Variants in INPP4B observed in about 807,000 individuals in gnomAD.
INPP4B encodes the protein inositol polyphosphate 4-phosphatase type II.
Under a neutral mutation model 122.5 loss-of-function variants are expected in INPP4B, and 55 were observed. The observed-to-expected ratio is 0.45, with a 90% CI of 0.36 to 0.56. INPP4B has a LOEUF of 0.56. Among genes scored for constraint, INPP4B ranks in the 20% least tolerant of loss-of-function variants. The probability of loss-of-function intolerance (pLI) is 0.00; values close to 1 mark genes in which losing one functional copy is unlikely to be tolerated. For missense variants in INPP4B, 1,000 were observed against 1,097.7 expected (o/e 0.91, Z 1.26); for synonymous variants, 403 against 388.7 (o/e 1.04, Z -0.43).
At chr4:142,445,459 G>GTT (rs1812706410) in intron 3 of INPP4B, among the ~76,000 whole-genome samples, 1 of 152,098 alleles carries the variant, frequency 6.6e-6, no homozygotes, top group East Asian at 1.9e-4. Flanking sequence ...TCACATTAAG[G>GTT]AATACTAACA....
At chr4:142,323,666 C>T (rs1020839865) in intron 7 of INPP4B, among the ~76,000 whole-genome samples, 2 of 151,720 alleles carry the variant, frequency 1.3e-5, no homozygotes, top group African/African-American at 2.4e-5. Flanking sequence ...AGGATGGTCT[C>T]AATCTCCTGA....
At chr4:142,179,715 CT>C (rs1829986290) in intron 15 of INPP4B, among the ~76,000 whole-genome samples, 1 of 152,020 alleles carries the variant, frequency 6.6e-6, no homozygotes, top group African/African-American at 2.4e-5. Context: ...TATGTACATC[CT>C]TTATTTAGTC....
At chr4:142,160,674 A>C (rs1438610214) in intron 16 of INPP4B, 113 bp from the exon 17 acceptor site, 2 of 658,452 alleles carry the variant, frequency 3.0e-6, no homozygotes, top group South Asian at 5.5e-5. Context: ...TGGTGGAAAA[A>C]GTACAGACGC....
At chr4:142,215,944 GAC>G (rs1847053239) in intron 12 of INPP4B, among the ~76,000 whole-genome samples, 1 of 119,794 alleles carries the variant, frequency 8.3e-6, no homozygotes, top group South Asian at 2.9e-4. Context: ...GAAGGAATCT[GAC>G]ACTAATGTTG....
intron 7 of INPP4B, among the ~76,000 whole-genome samples, chr4:142,401,093 G>A (rs557911622): frequency 1.3e-5 from 2 of 152,030 alleles, no homozygotes; most frequent in African/African-American, 4.8e-5. Context: ...TTTGCAGAAC[G>A]TAAAATCCTA....
At chr4:142,582,049 T>C (rs1389084620) in intron 2 of INPP4B, among the ~76,000 whole-genome samples, 5 of 152,140 alleles carry the variant, frequency 3.3e-5, no homozygotes, top group Admixed American at 6.6e-5. Flanking sequence ...CAATTTGGCA[T>C]GCACATGCTG....
intron 1 of INPP4B, among the ~76,000 whole-genome samples, chr4:142,823,782 G>C (rs1180969289): frequency 2.0e-5 from 3 of 152,110 alleles, no homozygotes; most frequent in African/African-American, 7.2e-5. Context: ...GAAAGCAAAG[G>C]TTGCACTGTG....
At chr4:142,631,159 C>T (rs114589220) in intron 2 of INPP4B, among the ~76,000 whole-genome samples, 2 of 151,956 alleles carry the variant, frequency 1.3e-5, no homozygotes, top group South Asian at 4.2e-4. Flanking sequence ...CCTCCAGATA[C>T]CAGGATAGAT....
chr4:142,196,061 A>G (rs530321573), intron 14 of INPP4B, among the ~76,000 whole-genome samples: 14 of 152,310 alleles, frequency 9.2e-5, no homozygotes, highest in African/African-American at 3.1e-4. Flanking sequence ...AAGGTAAAGG[A>G]GAAGAAGCAT....
rs546035032 is a variant in INPP4B, at chr4:142,523,747, G to A, written c.-190-61021C>T. Among the ~76,000 whole-genome samples the A allele has an allele frequency of 1.0e-3, 154 of 149,500 alleles. 4 individuals carry two copies. In the East Asian group the frequency reaches 0.025, roughly 24 times the overall value. On this transcript the variant is annotated intron_variant, in intron 2 of 25. Transcript: ENST00000262992. ...ATGTATACATGTGCCACGCTGGTGC[G>A]CTGCACCCACTAACTCGTCATCTAG...
intron 2 of INPP4B, among the ~76,000 whole-genome samples, chr4:142,637,842 T>C (rs1162302417): frequency 3.3e-5 from 5 of 152,210 alleles, no homozygotes; most frequent in Non-Finnish European, 7.3e-5. Context: ...TGTTGCTCCA[T>C]ATGCTCACCG....
intron 2 of INPP4B, among the ~76,000 whole-genome samples, chr4:142,479,194 C>T (rs1820182134): frequency 6.6e-6 from 1 of 152,016 alleles, no homozygotes; most frequent in East Asian, 1.9e-4. Flanking sequence ...ATACCTGTGG[C>T]CAACAAACAT....
chr4:142,148,024 C>T (rs1811732543), intron 17 of INPP4B, among the ~76,000 whole-genome samples: 1 of 152,040 alleles, frequency 6.6e-6, no homozygotes, highest in South Asian at 2.1e-4. Context: ...CAAACTCATG[C>T]CCTCTCTTTT....
chr4:142,325,043 C>T lies in INPP4B; in HGVS notation c.373-10281G>A, dbSNP rs112123561. ...AAAATCATGGCTCCCGATAGCTCAG[C>T]GTTGAAAGGTTCTCCTTGCTCTGGA... On this transcript the variant is annotated intron_variant, in intron 7 of 25. Transcript: ENST00000262992. Among the ~76,000 whole-genome samples the T allele has an allele frequency of 4.3e-3, 654 of 152,272 alleles. 8 individuals are homozygous for T. The highest frequency in any genetic ancestry group is 0.014 in the African/African-American group (599 of 41,564).
chr4:142,322,371 C>A lies in INPP4B; in HGVS notation c.373-7609G>T, dbSNP rs538641709. Among the ~76,000 whole-genome samples, 10 of 152,216 alleles carry A rather than the reference C, an allele frequency of 6.6e-5. 1 individual carries two copies. In the South Asian group the frequency reaches 1.9e-3, roughly 28 times the overall value. ...ATTTCTTCTTCAACATTTGGAATTT[C>A]TAGCTTACTATCTCACAAATCAGTA... On this transcript the variant is annotated intron_variant, in intron 7 of 25. Transcript: ENST00000262992.
intron 25 of INPP4B, among the ~76,000 whole-genome samples, chr4:142,073,877 C>T (rs1768985154): frequency 6.6e-6 from 1 of 152,046 alleles, no homozygotes; most frequent in African/African-American, 2.4e-5. Flanking sequence ...CTTTCTTGGA[C>T]TAGTTCTTGC....
In INPP4B at chr4:142,789,201, C is replaced by T. The variant is rs144755192; in HGVS notation, c.-254+57008G>A. ...GATAAGGATGGCCACTCTCATCACT[C>T]CTCTTCAAAACAGTACTGGAAGTCC... is the stretch of plus-strand genomic sequence containing the variant. On this transcript the variant is annotated intron_variant, in intron 1 of 25. Coordinates refer to ENST00000262992, the MANE Select transcript of INPP4B (RefSeq NM_001101669.3). Among the ~76,000 whole-genome samples the T allele has an allele frequency of 2.5e-3, 373 of 152,148 alleles. 4 individuals carry two copies. Among genetic ancestry groups the T allele is most frequent in the East Asian group, 0.018 (93 of 5,166 alleles).
chr4:142,473,781 A>C (rs1322766969), intron 2 of INPP4B, among the ~76,000 whole-genome samples: 3 of 152,000 alleles, frequency 2.0e-5, no homozygotes, highest in Non-Finnish European at 4.4e-5. Flanking sequence ...CATGACCCCC[A>C]CAGATAGCCA....
chr4:142,462,492 G>T (rs1816930448), intron 3 of INPP4B, among the ~76,000 whole-genome samples, 171 bp downstream of exon 3: 1 of 152,160 alleles, frequency 6.6e-6, no homozygotes, highest in East Asian at 1.9e-4. Flanking sequence ...TGTAGTTATA[G>T]AAATTAATTT....
Sources: allele counts gnomAD v4.1 joint callset (sites outside exome capture counted in the v4.1 genomes callset), GRCh38; gene constraint gnomAD v4.1.1; transcripts MANE v1.5; gene names NCBI Gene and HGNC (gene_info 2026-07-23, HGNC 2026-07-21).